PUDP: variants seen among roughly 807,000 people sequenced by gnomAD.
PUDP encodes the protein pseudouridine-5'-phosphatase.
PUDP carries 8 observed loss-of-function variants against 9.4 expected under a neutral mutation model. The observed-to-expected ratio is 0.85, with a 90% CI of 0.50 to 1.53. The LOEUF is 1.53. PUDP is among the 40% of genes most tolerant of loss of function. The pLI, the probability that PUDP is intolerant of heterozygous loss-of-function variation, is 0.00. For synonymous variants in PUDP, 99 were observed against 80.7 expected (o/e 1.23, Z -1.22); for missense variants, 188 against 189.7 (o/e 0.99, Z 0.05).
At chrX:6,719,959 A>G (rs989450170) in intron 1 of PUDP, among the ~76,000 whole-genome samples, 1 of 109,911 alleles carries the variant, frequency 9.1e-6, no homozygotes, top group Non-Finnish European at 1.9e-5. Context: ...CCACTTTTGC[A>G]TATATATCCG....
At chrX:7,028,886 C>T (rs1186354122) in intron 1 of PUDP, among the ~76,000 whole-genome samples, 1 of 111,695 alleles carries the variant, frequency 9.0e-6, no homozygotes, top group East Asian at 2.8e-4. Flanking sequence ...TGAGGCCTCT[C>T]TCCTGGGCTT....
intron 3 of PUDP, among the ~76,000 whole-genome samples, chrX:6,926,361 TA>T (rs1928101634): frequency 8.9e-6 from 1 of 112,100 alleles, no homozygotes. Context: ...CACCTAAAAA[TA>T]CAGCTGAATA....
intron 3 of PUDP, among the ~76,000 whole-genome samples, chrX:6,966,008 T>C (rs916501067): frequency 1.4e-4 from 16 of 110,772 alleles, no homozygotes; most frequent in African/African-American, 4.9e-4. Context: ...AGACAGGACA[T>C]AATTTGCATA....
intron 3 of PUDP, among the ~76,000 whole-genome samples, chrX:6,927,266 T>C (rs1399277213): frequency 9.0e-6 from 1 of 111,590 alleles, no homozygotes; most frequent in Non-Finnish European, 1.9e-5. Flanking sequence ...CCTCCAGCTC[T>C]AAAAAGTTAA....
At chrX:7,058,613 C>T in intron 3 of PUDP, among the ~76,000 whole-genome samples, 1 of 112,374 alleles carries the variant, frequency 8.9e-6, no homozygotes, top group Non-Finnish European at 1.9e-5. Flanking sequence ...TGTTTGACTT[C>T]ATGTTCCTTG....
At position 6,759,278 on chromosome X, in the gene PUDP, C is replaced by T. The variant is rs375417786; in HGVS notation, c.*248-52812G>A. ...ACTGTAGTGGGAGTTGACACAAGTGCGACATTTTCCTTTATTTTTCATTTG... is the reference window on the plus strand; with the variant it reads ...ACTGTAGTGGGAGTTGACACAAGTGTGACATTTTCCTTTATTTTTCATTTG... On this transcript the variant is annotated intron_variant and NMD_transcript_variant, in intron 3 of 3. Coordinates refer to the PUDP transcript ENST00000655425. Among the ~76,000 whole-genome samples the T allele has an allele frequency of 2.7e-4, 30 of 111,827 alleles. 1 individual carries two copies. The highest frequency in any genetic ancestry group is 2.0e-3 in the Admixed American group (21 of 10,530).
chrX:6,851,375 G>T (rs1001206061), intron 3 of PUDP, among the ~76,000 whole-genome samples: 2 of 111,372 alleles, frequency 1.8e-5, no homozygotes, highest in African/African-American at 6.5e-5. Flanking sequence ...AGACGTGTCG[G>T]TTATGATGTA....
intron 1 of PUDP, among the ~76,000 whole-genome samples, chrX:6,716,639 A>ATT (rs11427076): frequency 0.027 from 2,842 of 104,003 alleles, 100 homozygotes; most frequent in African/African-American, 0.093. Context: ...GTATGTATGT[A>ATT]TTTTTTTTTT....
chrX:6,802,510 C>T (rs1925950219), intron 3 of PUDP, among the ~76,000 whole-genome samples: 1 of 111,624 alleles, frequency 9.0e-6, no homozygotes, highest in African/African-American at 3.3e-5. Context: ...CTGCTAACAT[C>T]TATCGTAGAG....
At chrX:6,975,369 G>A (rs1928938103) in intron 3 of PUDP, among the ~76,000 whole-genome samples, 1 of 111,310 alleles carries the variant, frequency 9.0e-6, no homozygotes, top group Non-Finnish European at 1.9e-5. Flanking sequence ...GGTCTTTGAT[G>A]TTGATGACCT....
intron 2 of PUDP, among the ~76,000 whole-genome samples, chrX:7,082,825 G>T (rs908539525): frequency 8.9e-6 from 1 of 112,990 alleles, no homozygotes; most frequent in African/African-American, 3.2e-5. Flanking sequence ...GCAACTGCCT[G>T]AACAGCAGGT....
At chrX:6,779,947 T>C (rs143655645) in intron 3 of PUDP, among the ~76,000 whole-genome samples, 158 of 109,769 alleles carry the variant, frequency 1.4e-3, no homozygotes, top group African/African-American at 4.8e-3. Flanking sequence ...AAAATGAAAA[T>C]AAAGTCAAGG....
upstream of PUDP, among the ~76,000 whole-genome samples, chrX:6,723,271 TAAAA>T (rs72151981): frequency 7.5e-5 from 7 of 92,808 alleles, no homozygotes; most frequent in African/African-American, 2.7e-4. Context: ...CAAAAAACAA[TAAAA>T]AAAAAAAAAA....
intron 3 of PUDP, among the ~76,000 whole-genome samples, chrX:6,814,696 G>A (rs900492672): frequency 9.0e-6 from 1 of 111,608 alleles, no homozygotes; most frequent in Non-Finnish European, 1.9e-5. Flanking sequence ...TAATTCTGAC[G>A]TGAGTAATTT....
chrX:6,910,093 A>G (rs1434166654), intron 3 of PUDP, among the ~76,000 whole-genome samples: 2 of 111,929 alleles, frequency 1.8e-5, no homozygotes, highest in African/African-American at 6.5e-5. Flanking sequence ...GGCCATGCAC[A>G]TGCTATGGTT....
intron 3 of PUDP, among the ~76,000 whole-genome samples, chrX:6,832,790 C>T (rs1926522967): frequency 8.9e-6 from 1 of 112,158 alleles, no homozygotes; most frequent in Admixed American, 9.4e-5. Flanking sequence ...AAATGCTTGT[C>T]CTTCTGCCCC....
At chrX:6,992,558 C>G (rs915525606) in intron 1 of PUDP, among the ~76,000 whole-genome samples, 8 of 109,979 alleles carry the variant, frequency 7.3e-5, no homozygotes, top group African/African-American at 2.6e-4. Flanking sequence ...AGGCGTGAAC[C>G]ACCGCGCCCG....
chrX:6,803,667 A>G (rs747851758), intron 3 of PUDP, among the ~76,000 whole-genome samples: 14 of 112,417 alleles, frequency 1.2e-4, no homozygotes, highest in Non-Finnish European at 2.6e-4. Context: ...AGTGATGTAC[A>G]TATCTCCGAG....
At chrX:6,777,421 T>G (rs765690242) in intron 3 of PUDP, among the ~76,000 whole-genome samples, 76 of 112,003 alleles carry the variant, frequency 6.8e-4, no homozygotes, top group Non-Finnish European at 1.3e-4. Context: ...AATATCCTCA[T>G]TTGCTTTGAG....
Sources: allele counts gnomAD v4.1 joint callset (sites outside exome capture counted in the v4.1 genomes callset), GRCh38; gene constraint gnomAD v4.1.1; transcripts MANE v1.5; gene names NCBI Gene and HGNC (gene_info 2026-07-23, HGNC 2026-07-21).